Variants in ZMYM2 observed in about 807,000 individuals in gnomAD.
The protein encoded by ZMYM2 is zinc finger MYM-type containing 2, also known as zinc finger MYM-type protein 2.
ZMYM2 carries 56 observed loss-of-function variants against 162.8 expected under a neutral mutation model. That is an observed-to-expected ratio of 0.34 (90% CI 0.28 to 0.43). The LOEUF is 0.43. Among genes scored for constraint, ZMYM2 ranks in the 20% least tolerant of loss-of-function variants. The pLI is 1.00. For synonymous variants in ZMYM2, 510 were observed against 541.6 expected, an observed-to-expected ratio of 0.94 and a Z score of 0.81; for missense variants, 1,275 against 1,621.8, an observed-to-expected ratio of 0.79 and a Z score of 3.67.
In ZMYM2 at chr13:20,083,689, A is replaced by T; in HGVS notation, c.3854A>T (p.Asp1285Val). 2 of 1,566,014 alleles carry T rather than the reference A, an allele frequency of 1.3e-6. No individual in the cohort carries two copies. The highest frequency in any genetic ancestry group is 1.8e-5 in the Admixed American group (1 of 54,562). The part of the protein sequence containing the change: ...KITTGKRKHE[D>V]DEPVFEQIEN... Reference sequence around the variant, plus strand: ...ACTACTGGAAAAAGAAAACATGAAGATGATGAGCCAGTATTTGAACAAATT... The same window carrying T: ...ACTACTGGAAAAAGAAAACATGAAGTTGATGAGCCAGTATTTGAACAAATT... Residue 1285 changes from aspartate to valine, a missense_variant, in exon 24 of 25, where the codon GAT becomes GTT. Coordinates refer to ENST00000610343, the MANE Select transcript of ZMYM2 (RefSeq NM_197968.4).
intron 3 of ZMYM2, among the ~76,000 whole-genome samples, 134 bp from the exon 4 acceptor site, chr13:20,002,698 AACTTGTGCTATATACCTC>A (rs1233864221): frequency 6.6e-6 from 1 of 152,154 alleles, no homozygotes; most frequent in East Asian, 1.9e-4. Flanking sequence ...CTTACTCCAA[AACTTGTGCTATATACCTC>A]TCTGCTATGT....
chr13:20,000,275 G>A (rs963311314), intron 3 of ZMYM2, among the ~76,000 whole-genome samples: 1 of 152,196 alleles, frequency 6.6e-6, no homozygotes, highest in Non-Finnish European at 1.5e-5. Context: ...GCTAGTAAAG[G>A]TTGGTTCATG....
intron 3 of ZMYM2, among the ~76,000 whole-genome samples, chr13:19,994,865 C>G (rs1451547424): frequency 6.6e-6 from 1 of 152,046 alleles, no homozygotes; most frequent in Non-Finnish European, 1.5e-5. Context: ...CAGGGTCTCT[C>G]TCTGTCGCCC....
chr13:19,958,900 G>C (rs1351193297), intron 1 of ZMYM2, 59 bp downstream of exon 1: 1 of 152,724 alleles, frequency 6.5e-6, no homozygotes, highest in Non-Finnish European at 1.5e-5. Context: ...GGGTGGCTGG[G>C]AGCAGCGCAG....
At chr13:19,961,973 C>T (rs901760597) in intron 2 of ZMYM2, among the ~76,000 whole-genome samples, 1 of 152,118 alleles carries the variant, frequency 6.6e-6, no homozygotes, top group Admixed American at 6.5e-5. Context: ...TGGCATATTT[C>T]TTTAGTGCAT....
Position 20,085,952 on chromosome 13 carries a change from G to T in ZMYM2, c.4072G>T (p.Val1358Phe). The T allele has an allele frequency of 6.2e-7, 1 of 1,613,712 alleles. No individual in the cohort carries two copies. The highest frequency in any genetic ancestry group is 8.5e-7 in the Non-Finnish European group (1 of 1,179,742). ...RNTLENMLVR[V>F]LLVKDIYDKD... ...CACCTTGGAAAATATGCTTGTACGGGTTCTTCTAGTAAAAGATATTTATGA... is the reference window on the plus strand; with the variant it reads ...CACCTTGGAAAATATGCTTGTACGGTTTCTTCTAGTAAAAGATATTTATGA... Residue 1358 changes from valine to phenylalanine, a missense_variant, in exon 25 of 25, where the codon GTT (valine) becomes TTT (phenylalanine). By Grantham distance (50) the Val-to-Phe change is conservative (BLOSUM62 -1). This residue lies in a region of ZMYM2 where 69 missense variants were observed against 78.4 expected (regional missense o/e 0.88). Transcript: ENST00000610343.
At chr13:20,057,313 T>G (rs1955873928) in intron 14 of ZMYM2, among the ~76,000 whole-genome samples, 1 of 151,982 alleles carries the variant, frequency 6.6e-6, no homozygotes, top group African/African-American at 2.4e-5. Flanking sequence ...TATTTTTGTA[T>G]TTTTAGTAGA....
the ZMYM2 span, among the ~76,000 whole-genome samples, chr13:19,912,527 T>C: frequency 1.3e-5 from 2 of 151,908 alleles, no homozygotes; most frequent in Admixed American, 1.3e-4. Flanking sequence ...AGACATGGAG[T>C]CTCACTAAGT....
intron 2 of ZMYM2, among the ~76,000 whole-genome samples, chr13:19,979,440 T>C (rs922220046): frequency 1.3e-5 from 2 of 151,762 alleles, no homozygotes; most frequent in Non-Finnish European, 2.9e-5. Context: ...TTTTTTTTTT[T>C]TTTTTTGCCC....
chr13:19,877,761 T>A, the ZMYM2 span, among the ~76,000 whole-genome samples: 1 of 152,238 alleles, frequency 6.6e-6, no homozygotes, highest in African/African-American at 2.4e-5. Flanking sequence ...TTCCACTGTA[T>A]GTATGTACCA....
Position 20,006,326 on chromosome 13 carries a change from C to T in ZMYM2, c.1300-48C>T, listed in dbSNP as rs1166122991. On this transcript the variant is annotated intron_variant, in intron 5 of 24. Transcript: ENST00000610343. Reference sequence around the variant, plus strand: ...TTCAGAATGCTTTATTATTTAGCTACTTGTCAGATTGATCTGTTTTGTAAG... The same window carrying T: ...TTCAGAATGCTTTATTATTTAGCTATTTGTCAGATTGATCTGTTTTGTAAG... 4 of 1,492,782 alleles carry T rather than the reference C, an allele frequency of 2.7e-6. No homozygotes were observed. In the South Asian group the frequency reaches 5.1e-5, roughly 19 times the overall value. 92.5% of individuals were successfully genotyped at this position (1,492,782 alleles called of 1,614,324 possible).
chr13:19,892,925 G>A, the ZMYM2 span, among the ~76,000 whole-genome samples: 1 of 151,256 alleles, frequency 6.6e-6, no homozygotes, highest in African/African-American at 2.4e-5. Context: ...ATGTTGGCCA[G>A]GCTGGTCTTG....
chr13:19,879,635 A>G, the ZMYM2 span, among the ~76,000 whole-genome samples: 1 of 152,166 alleles, frequency 6.6e-6, no homozygotes, highest in Non-Finnish European at 1.5e-5. Flanking sequence ...GCATCCCTTG[A>G]GATTTCATAT....
chr13:20,010,373 T>A (rs1294853192), intron 6 of ZMYM2, among the ~76,000 whole-genome samples: 2 of 151,998 alleles, frequency 1.3e-5, no homozygotes, highest in Non-Finnish European at 2.9e-5. Context: ...TTTTTTGTAT[T>A]TTTTTGGAGA....
chr13:20,022,137 G>C (rs1952167542), intron 7 of ZMYM2, among the ~76,000 whole-genome samples: 1 of 152,140 alleles, frequency 6.6e-6, no homozygotes, highest in Admixed American at 6.5e-5. Flanking sequence ...TTGTGTGTGT[G>C]TCTAATTTTC....
chr13:20,031,234 T>C (rs1953101495), intron 9 of ZMYM2, 85 bp from the exon 10 acceptor site: 2 of 933,558 alleles, frequency 2.1e-6, no homozygotes, highest in South Asian at 1.7e-5. Flanking sequence ...TATTACTTTC[T>C]GGACATCGTA....
At chr13:19,957,403 A>G (rs1954607725), upstream of ZMYM2, among the ~76,000 whole-genome samples, 2 of 152,240 alleles carry the variant, frequency 1.3e-5, no homozygotes, top group Non-Finnish European at 1.5e-5. Context: ...TAATCCCACT[A>G]AGAACCGCCA....
the ZMYM2 span, among the ~76,000 whole-genome samples, chr13:19,945,301 G>C: frequency 2.0e-5 from 3 of 152,124 alleles, no homozygotes; most frequent in South Asian, 6.2e-4. Context: ...ACCCAGGCTG[G>C]ACTGCAGTGT....
chr13:19,886,810 C>T, the ZMYM2 span, among the ~76,000 whole-genome samples: 5 of 151,570 alleles, frequency 3.3e-5, no homozygotes, highest in African/African-American at 4.9e-5. Context: ...CCACCATGCC[C>T]GGTTAATTTT....
Sources: gnomAD v4.1 joint callset for allele counts (sites outside exome capture counted in the v4.1 genomes callset) on GRCh38, gnomAD v4.1.1 for gene constraint, gnomAD v4.1.1 regional missense constraint, MANE v1.5 for transcripts, NCBI Gene and HGNC (gene_info 2026-07-23, HGNC 2026-07-21) for gene names.